DPP6: variants seen among roughly 807,000 people sequenced by gnomAD.
DPP6 encodes dipeptidyl peptidase like 6, also known as A-type potassium channel modulatory protein DPP6.
A neutral mutation model predicts 122.6 loss-of-function variants in DPP6; 69 were observed. That is an observed-to-expected ratio of 0.56 (90% CI 0.46 to 0.69). DPP6 has a LOEUF of 0.69. Among genes scored for constraint, DPP6 ranks in the 30% least tolerant of loss-of-function variants. DPP6 has a pLI of 0.00. For synonymous variants in DPP6, 418 were observed against 433.1 expected (o/e 0.97, Z 0.43); for missense variants, 928 against 1,116.9 (o/e 0.83, Z 2.41).
chr7:154,496,604 C>T (rs1586454317), intron 3 of DPP6, among the ~76,000 whole-genome samples: 2 of 152,264 alleles, frequency 1.3e-5, no homozygotes, highest in African/African-American at 4.8e-5. Flanking sequence ...TGGGGGTCTT[C>T]GACTCTCTGG....
intron 20 of DPP6, chr7:154,876,839 T>G (rs1804908530): frequency 6.6e-6 from 1 of 152,348 alleles, no homozygotes; most frequent in Admixed American, 6.5e-5. Context: ...CAGCACTTAC[T>G]CTAACTTCAC....
In DPP6 at chr7:154,588,177, C is replaced by T. The variant is rs879510821; in HGVS notation, c.627+21261C>T. 5 of 1,510,516 alleles carry T rather than the reference C, an allele frequency of 3.3e-6. No individual in the cohort carries two copies. In the African/African-American group the frequency reaches 4.1e-5, roughly 13 times the overall value. The allele number at this position is 1,510,516 out of a possible 1,614,324, so 93.6% of individuals were successfully genotyped here. On this transcript the variant is annotated intron_variant, in intron 5 of 25. Transcript: ENST00000377770. ...TCAGGCCCAAGAAATACTGCCTTCC[C>T]CATCCTATCCCTGGTCACTGGGTGC...
At chr7:154,002,552 G>A (rs995864499) in intron 1 of DPP6, among the ~76,000 whole-genome samples, 17 of 152,212 alleles carry the variant, frequency 1.1e-4, no homozygotes, top group African/African-American at 4.1e-4. Flanking sequence ...TGGGAAACCT[G>A]TAGTCATTTG....
intron 1 of DPP6, among the ~76,000 whole-genome samples, chr7:154,005,470 A>G (rs1797873250): frequency 6.6e-6 from 1 of 151,774 alleles, no homozygotes; most frequent in East Asian, 1.9e-4. Flanking sequence ...GAAAATGAAA[A>G]TGGATTTCCT....
At chr7:154,572,176 C>T (rs1831150571) in intron 5 of DPP6, among the ~76,000 whole-genome samples, 1 of 152,062 alleles carries the variant, frequency 6.6e-6, no homozygotes, top group Non-Finnish European at 1.5e-5. Context: ...TTCCTGCCAT[C>T]GTGGTGAGTT....
chr7:153,972,801 C>G (rs1485235217), intron 1 of DPP6, among the ~76,000 whole-genome samples: 1 of 150,714 alleles, frequency 6.6e-6, no homozygotes, highest in Admixed American at 6.6e-5. Flanking sequence ...TTTGTTATCT[C>G]TGAGCCTCAG....
chr7:154,507,666 G>GAA (rs1825763874), intron 3 of DPP6, among the ~76,000 whole-genome samples: 1 of 152,166 alleles, frequency 6.6e-6, no homozygotes, highest in Non-Finnish European at 1.5e-5. Flanking sequence ...GGACTGGAGA[G>GAA]GGTTTGATGT....
intron 14 of DPP6, 76 bp downstream of exon 14, chr7:154,804,031 A>G: frequency 6.5e-7 from 1 of 1,548,038 alleles, no homozygotes; most frequent in Non-Finnish European, 8.8e-7. Flanking sequence ...AATTACACTT[A>G]TGGAGTACAG....
At chr7:154,595,194 T>C (rs1017565595) in intron 5 of DPP6, among the ~76,000 whole-genome samples, 4 of 152,130 alleles carry the variant, frequency 2.6e-5, no homozygotes, top group African/African-American at 9.7e-5. Context: ...ATCTTCCCCT[T>C]CTCCGTTGCC....
chr7:154,264,028 T>C (rs1042938261), intron 1 of DPP6, among the ~76,000 whole-genome samples: 2 of 152,156 alleles, frequency 1.3e-5, no homozygotes, highest in East Asian at 3.9e-4. Flanking sequence ...TGGGAACTGG[T>C]ATGAAGGTGG....
At chr7:153,861,726 A>G in the DPP6 span, among the ~76,000 whole-genome samples, 1 of 152,206 alleles carries the variant, frequency 6.6e-6, no homozygotes, top group Non-Finnish European at 1.5e-5. Flanking sequence ...CCCAGCACCA[A>G]GATAAAGAGA....
intron 1 of DPP6, among the ~76,000 whole-genome samples, chr7:154,418,517 A>C (rs951065777): frequency 6.6e-6 from 1 of 152,202 alleles, no homozygotes; most frequent in Non-Finnish European, 1.5e-5. Flanking sequence ...AGGAAATCCC[A>C]TAATGAAATA....
intron 1 of DPP6, among the ~76,000 whole-genome samples, chr7:154,378,238 G>A (rs544899535): frequency 1.3e-5 from 2 of 152,282 alleles, no homozygotes; most frequent in Admixed American, 6.5e-5. Flanking sequence ...GACATTTGCT[G>A]TCTCCATATC....
chr7:154,242,381 A>AGTGTGTGTGTGTGTGTGTGT lies in DPP6; in HGVS notation c.243+189336_243+189337insGTGTGTGTGTGTGTGTGTGT, dbSNP rs139152037. Among the ~76,000 whole-genome samples, 1,314 of 150,286 alleles carry AGTGTGTGTGTGTGTGTGTGT rather than the reference A, an allele frequency of 8.7e-3. 18 individuals are homozygous for AGTGTGTGTGTGTGTGTGTGT. The highest frequency in any genetic ancestry group is 0.074 in the East Asian group (375 of 5,100). On this transcript the variant is annotated intron_variant, in intron 1 of 25. Coordinates refer to ENST00000377770, the MANE Select transcript of DPP6 (RefSeq NM_130797.4). ...GTAACACTGACTTTAAGAGGCAATG[A>AGTGTGTGTGTGTGTGTGTGT]GTGTGTGTGTGTGTGTGTATGTGTG...
At chr7:154,079,775 AC>A (rs1264996269) in intron 1 of DPP6, among the ~76,000 whole-genome samples, 1 of 151,894 alleles carries the variant, frequency 6.6e-6, no homozygotes, top group Admixed American at 6.6e-5. Context: ...GCCCAGATGG[AC>A]CCTTCGATGT....
intron 1 of DPP6, among the ~76,000 whole-genome samples, chr7:154,358,020 G>A (rs1188901176): frequency 1.3e-5 from 2 of 152,010 alleles, no homozygotes; most frequent in Admixed American, 6.6e-5. Flanking sequence ...TATGTCAGTG[G>A]TGTCCCTCAA....
chr7:153,803,878 T>C, the DPP6 span, among the ~76,000 whole-genome samples: 1 of 151,768 alleles, frequency 6.6e-6, no homozygotes, highest in Admixed American at 6.6e-5. Context: ...CACAAGGATA[T>C]ATGTACCTCT....
rs181547799 is a variant in DPP6, at chr7:154,190,496, G to A, written c.243+137433G>A. Among the ~76,000 whole-genome samples the A allele has an allele frequency of 3.4e-4, 52 of 152,214 alleles. 1 individual carries two copies. The East Asian group carries it at 9.1e-3, about 27-fold the overall frequency. ...ATCTCAATCTTGGAATAATAAGCAG[G>A]CAAGTCTGTCAGTTAAAAGGTACTT... On this transcript the variant is annotated intron_variant, in intron 1 of 25. Coordinates refer to ENST00000377770, the MANE Select transcript of DPP6 (RefSeq NM_130797.4).
chr7:154,527,011 G>T (rs555931690), intron 3 of DPP6, among the ~76,000 whole-genome samples: 41 of 152,230 alleles, frequency 2.7e-4, no homozygotes, highest in African/African-American at 9.4e-4. Context: ...CAAAAGGGAT[G>T]AAATGAAAGA....
Sources: gnomAD v4.1 joint callset for allele counts (sites outside exome capture counted in the v4.1 genomes callset) on GRCh38, gnomAD v4.1.1 for gene constraint, MANE v1.5 for transcripts, NCBI Gene and HGNC (gene_info 2026-07-23, HGNC 2026-07-21) for gene names.